The following ADRA1A variants were observed in gnomAD, a reference collection of about 807,000 sequenced individuals.
The protein encoded by ADRA1A is adrenoceptor alpha 1A, also known as alpha-1A adrenergic receptor.
In ADRA1A, 31 loss-of-function variants were observed where a neutral mutation model predicts 29.6. The ratio of observed to expected loss-of-function variants is 1.05; its 90% CI spans 0.79 to 1.41. The LOEUF (loss-of-function observed/expected upper bound fraction) is 1.41. ADRA1A is among the 40% of genes most tolerant of loss of function. ADRA1A has a pLI of 0.00. For missense variants in ADRA1A, 619 were observed against 601.1 expected (o/e 1.03, Z -0.31); for synonymous variants, 311 against 254.3 (o/e 1.22, Z -2.12).
chr8:26,829,430 T>C (rs899492683), intron 2 of ADRA1A, among the ~76,000 whole-genome samples: 2 of 152,194 alleles, frequency 1.3e-5, no homozygotes, highest in Admixed American at 6.5e-5. Context: ...AGCAAAGATA[T>C]GGCAAAGATC....
intron 2 of ADRA1A, chr8:26,772,157 G>A (rs193052780): frequency 9.5e-5 from 14 of 147,874 alleles, no homozygotes; most frequent in African/African-American, 3.0e-4. Flanking sequence ...TTTATAACAC[G>A]TTCAATAAAA....
intron 2 of ADRA1A, among the ~76,000 whole-genome samples, chr8:26,757,285 G>A (rs571910729): frequency 1.3e-5 from 2 of 152,238 alleles, no homozygotes; most frequent in East Asian, 1.9e-4. Flanking sequence ...TTCAGCCTCC[G>A]AGCATGGCTG....
chr8:26,835,952 G>C (rs950964040), intron 2 of ADRA1A: 1 of 158,494 alleles, frequency 6.3e-6, no homozygotes, highest in African/African-American at 2.4e-5. Context: ...AAGGATGAAG[G>C]ACATAGGAGG....
chr8:26,789,081 C>T (rs896440188), intron 2 of ADRA1A, among the ~76,000 whole-genome samples: 1 of 152,090 alleles, frequency 6.6e-6, no homozygotes, highest in Non-Finnish European at 1.5e-5. Flanking sequence ...AGACCTATGT[C>T]TTAATGCCCC....
chr8:26,755,226 C>A (rs907702472), downstream of ADRA1A, among the ~76,000 whole-genome samples: 2 of 150,468 alleles, frequency 1.3e-5, no homozygotes, highest in African/African-American at 4.9e-5. Flanking sequence ...AGCCATCCCA[C>A]TGTAATGCTG....
At chr8:26,779,470 CCTTCCTAT>C in intron 2 of ADRA1A, 1 of 688,038 alleles carries the variant, frequency 1.5e-6, no homozygotes, top group South Asian at 1.6e-5. Flanking sequence ...TGATGCTACC[CCTTCCTAT>C]CTGTAAGAGC....
intron 2 of ADRA1A, among the ~76,000 whole-genome samples, chr8:26,827,991 T>C (rs571240264): frequency 5.9e-5 from 9 of 152,146 alleles, no homozygotes; most frequent in Non-Finnish European, 1.3e-4. Context: ...CTTTCTGGGC[T>C]CCAGCAACCC....
At chr8:26,799,704 T>C (rs954713087) in intron 2 of ADRA1A, among the ~76,000 whole-genome samples, 1 of 152,204 alleles carries the variant, frequency 6.6e-6, no homozygotes, top group Non-Finnish European at 1.5e-5. Flanking sequence ...ATGTGTCATG[T>C]ATGACATCTG....
intron 2 of ADRA1A, among the ~76,000 whole-genome samples, chr8:26,778,473 C>T (rs1198836320): frequency 6.6e-6 from 1 of 152,142 alleles, no homozygotes; most frequent in Non-Finnish European, 1.5e-5. Context: ...CAAGCCTTGT[C>T]AATTTTACTA....
intron 2 of ADRA1A, among the ~76,000 whole-genome samples, chr8:26,827,396 A>T (rs1229312284): frequency 6.6e-6 from 1 of 152,180 alleles, no homozygotes; most frequent in Non-Finnish European, 1.5e-5. Flanking sequence ...TGAGTGTCTT[A>T]GTCTGTTTGG....
intron 2 of ADRA1A, among the ~76,000 whole-genome samples, chr8:26,847,784 A>G (rs904921155): frequency 5.3e-5 from 8 of 152,156 alleles, no homozygotes; most frequent in African/African-American, 1.9e-4. Context: ...GATACCATTT[A>G]ATGAGTCTGG....
Position 26,832,145 on chromosome 8 carries a change from C to T in ADRA1A, c.883+31942G>A, listed in dbSNP as rs569033900. Among the ~76,000 whole-genome samples the T allele has an allele frequency of 2.0e-5, 3 of 152,308 alleles. No homozygotes were observed. The South Asian group carries it at 6.2e-4, about 32-fold the overall frequency. On this transcript the variant is annotated intron_variant, in intron 2 of 2. Coordinates refer to ENST00000380573, the MANE Select transcript of ADRA1A (RefSeq NM_000680.4). ...GAAATGTTGAAGTTGGGAACGAAGT[C>T]TTTGGAGTGGATTAGCCCTTTGATC...
At chr8:26,854,960 A>G (rs1371625324) in intron 2 of ADRA1A, among the ~76,000 whole-genome samples, 1 of 152,224 alleles carries the variant, frequency 6.6e-6, no homozygotes, top group Non-Finnish European at 1.5e-5. Context: ...CACAGCTAGA[A>G]GGTACCATCC....
At chr8:26,752,446 T>A (rs1210872603), downstream of ADRA1A, among the ~76,000 whole-genome samples, 1 of 152,210 alleles carries the variant, frequency 6.6e-6, no homozygotes, top group Non-Finnish European at 1.5e-5. Context: ...AGGGAAAACC[T>A]CCATTTTGAA....
rs1323285049 is a variant in ADRA1A at position 26,860,650 on chromosome 8, C to T, written c.883+3437G>A. Among the ~76,000 whole-genome samples the T allele has an allele frequency of 2.0e-5, 3 of 152,164 alleles. No homozygotes were observed. Among genetic ancestry groups the T allele is most frequent in the Non-Finnish European group, 2.9e-5 (2 of 68,026 alleles). ...TCCTGACTCTCTCTTAGCTGATGAC[C>T]TTGCTTCATATTTCACTGAGGACAT... On this transcript the variant is annotated intron_variant, in intron 2 of 2. Coordinates refer to ENST00000380573, the MANE Select transcript of ADRA1A (RefSeq NM_000680.4). The surrounding 1 kb of genome is among the most constrained non-coding windows in gnomAD (Gnocchi z 4.7).
chr8:26,765,569 A>G (rs1274741554), downstream of ADRA1A, among the ~76,000 whole-genome samples: 1 of 152,234 alleles, frequency 6.6e-6, no homozygotes, highest in Non-Finnish European at 1.5e-5. Flanking sequence ...AGGTGGTTTC[A>G]TAGTTAAAAG....
At chr8:26,754,710 C>T (rs1805074310), downstream of ADRA1A, among the ~76,000 whole-genome samples, 1 of 152,156 alleles carries the variant, frequency 6.6e-6, no homozygotes, top group Admixed American at 6.5e-5. Flanking sequence ...ATTTTAATTT[C>T]ACAGGCAAAA....
rs1340658459 is a variant in ADRA1A, at chr8:26,854,431, G to GC, written c.883+9655_883+9656insG. 3 of 116,276 alleles carry GC rather than the reference G, an allele frequency of 2.6e-5. 1 individual carries two copies. Among genetic ancestry groups the GC allele is most frequent in the Non-Finnish European group, 5.2e-5 (3 of 57,536 alleles). 7.2% of individuals were successfully genotyped at this position (116,276 alleles called of 1,614,324 possible). ...CTGAAGTTAAAGCGGGGCGGGGGGG[G>GC]GGAGCAGGCAGAGGTGCTTTCTCCC... On this transcript the variant is annotated intron_variant, in intron 2 of 2. Coordinates refer to ENST00000380573, the MANE Select transcript of ADRA1A (RefSeq NM_000680.4).
intron 2 of ADRA1A, among the ~76,000 whole-genome samples, chr8:26,816,590 G>A (rs62492233): frequency 0.067 from 10,012 of 150,394 alleles, 683 homozygotes; most frequent in East Asian, 0.32. Context: ...GTGTGCACAC[G>A]CTCATGTGCA....
Sources: allele counts gnomAD v4.1 joint callset (sites outside exome capture counted in the v4.1 genomes callset), GRCh38; gene constraint gnomAD v4.1.1; non-coding constraint Gnocchi (gnomAD v3.1); transcripts MANE v1.5; gene names NCBI Gene and HGNC (gene_info 2026-07-23, HGNC 2026-07-21).